Variants in CACNA1B observed in about 807,000 individuals in gnomAD.
The protein encoded by CACNA1B is voltage-dependent N-type calcium channel subunit alpha-1B.
Under a neutral mutation model 247.2 loss-of-function variants are expected in CACNA1B, and 70 were observed. The observed-to-expected ratio is 0.28, with a 90% CI of 0.23 to 0.35. The LOEUF is 0.35. CACNA1B is among the 10% of genes least tolerant of loss of function. The probability of loss-of-function intolerance (pLI) is 1.00; values close to 1 mark genes in which losing one functional copy is unlikely to be tolerated. For synonymous variants in CACNA1B, 1,231 were observed against 1,294.4 expected, an observed-to-expected ratio of 0.95 and a Z score of 1.05; for missense variants, 2,367 against 3,197.4, an observed-to-expected ratio of 0.74 and a Z score of 6.26.
At position 138,010,299 on chromosome 9, in the gene CACNA1B, G is replaced by A. The variant is rs996346605; in HGVS notation, c.2160+222G>A. 7.9e-5 allele frequency among the ~76,000 whole-genome samples: 12 copies of A among 152,214 alleles called. No homozygotes were observed. Among genetic ancestry groups the A allele is most frequent in the Non-Finnish European group, 1.6e-4 (11 of 68,036 alleles). ...GATGGACAGGCAGGCTCTCAGGGAA[G>A]CCAGCACAGGGAAGAATGGCCTGAA... is the stretch of plus-strand genomic sequence containing the variant. On this transcript the variant is annotated intron_variant, in intron 17 of 46. Coordinates refer to ENST00000371372, the MANE Select transcript of CACNA1B (RefSeq NM_000718.4). This position sits in a 1 kb window ranked among gnomAD's most constrained non-coding sequence, Gnocchi z 5.3.
chr9:138,101,744 A>G (rs1430376982), intron 37 of CACNA1B, among the ~76,000 whole-genome samples: 1 of 152,192 alleles, frequency 6.6e-6, no homozygotes, highest in East Asian at 1.9e-4. Context: ...CCTGGTCTGG[A>G]ACCGTGGGAG....
In CACNA1B at chr9:137,914,252, C is replaced by T. The variant is rs1957387618; in HGVS notation, c.623-402C>T. On this transcript the variant is annotated intron_variant, in intron 4 of 46. Coordinates refer to ENST00000371372, the MANE Select transcript of CACNA1B (RefSeq NM_000718.4). The surrounding 1 kb of genome is among the most constrained non-coding windows in gnomAD (Gnocchi z 4.3). The stretch of plus-strand genomic sequence containing the variant: ...TCCCTCCTAGAATTCCCTGTTCTTT[C>T]CTCTCAGGATGTCCTCTGACTTGGC... 6.6e-6 allele frequency among the ~76,000 whole-genome samples: 1 copy of T among 152,116 alleles called. No individual in the cohort carries two copies. Among genetic ancestry groups the T allele is most frequent in the African/African-American group, 2.4e-5 (1 of 41,412 alleles).
At chr9:137,925,306 G>C (rs532558116) in intron 6 of CACNA1B, among the ~76,000 whole-genome samples, 1 of 152,308 alleles carries the variant, frequency 6.6e-6, no homozygotes, top group South Asian at 2.1e-4. Flanking sequence ...TAGGGAATAG[G>C]GTGTGGGTCC....
At chr9:137,994,646 C>G (rs1056231458) in intron 15 of CACNA1B, among the ~76,000 whole-genome samples, 8 of 152,122 alleles carry the variant, frequency 5.3e-5, no homozygotes, top group African/African-American at 1.7e-4. Context: ...TAGGAATATA[C>G]CTAACCAAGG....
Position 137,917,347 on chromosome 9 carries a change from C to T in CACNA1B, c.882C>T (p.Ile294=). The stretch of plus-strand genomic sequence containing the variant: ...ACTGGCCAGGACCCAACTTTGGCAT[C>T]ACCAACTTTGACAATATCCTGTTTG... ...REYWPGPNFG[I]TNFDNILFAI... Residue 294 remains isoleucine (I), a synonymous_variant, in exon 6 of 47, where the codon ATC becomes ATT. Coordinates refer to ENST00000371372, the MANE Select transcript of CACNA1B (RefSeq NM_000718.4). This position sits in a 1 kb window ranked among gnomAD's most constrained non-coding sequence, Gnocchi z 5.5. The T allele has an allele frequency of 6.2e-7, 1 of 1,614,018 alleles. No homozygotes were observed. The highest frequency in any genetic ancestry group is 1.1e-5 in the South Asian group (1 of 91,082).
intron 11 of CACNA1B, among the ~76,000 whole-genome samples, chr9:137,972,373 C>A (rs749050466): frequency 6.6e-6 from 1 of 152,216 alleles, no homozygotes; most frequent in Non-Finnish European, 1.5e-5. Flanking sequence ...GTGTCTACAG[C>A]GGATCTGGAG....
At chr9:137,946,433 G>T (rs571248878) in intron 6 of CACNA1B, among the ~76,000 whole-genome samples, 3 of 152,280 alleles carry the variant, frequency 2.0e-5, no homozygotes, top group Admixed American at 6.5e-5. Context: ...TGTGTCACAC[G>T]TAGGGATCAG....
At chr9:138,046,055 G>T (rs1959183158) in intron 21 of CACNA1B, among the ~76,000 whole-genome samples, 1 of 152,220 alleles carries the variant, frequency 6.6e-6, no homozygotes. Flanking sequence ...ACCCGTAGAT[G>T]GGCTTCCCAG....
chr9:137,883,657 G>A (rs1477086235), intron 3 of CACNA1B, among the ~76,000 whole-genome samples: 2 of 151,906 alleles, frequency 1.3e-5, no homozygotes, highest in African/African-American at 2.4e-5. Context: ...TGGCTCTGGT[G>A]TGGAGAGTGG....
At chr9:137,892,936 G>T (rs1012358235) in intron 3 of CACNA1B, among the ~76,000 whole-genome samples, 10 of 152,216 alleles carry the variant, frequency 6.6e-5, no homozygotes, top group Non-Finnish European at 1.5e-5. Flanking sequence ...GGCTCCCAGA[G>T]CCCGACAGGC....
At chr9:137,900,803 C>T (rs1402215051) in intron 3 of CACNA1B, among the ~76,000 whole-genome samples, 6 of 121,486 alleles carry the variant, frequency 4.9e-5, no homozygotes, top group Admixed American at 4.5e-4. Context: ...GTGTGTGTAC[C>T]GTGTGTCCCT....
At chr9:137,995,227 AAC>A (rs1491149545) in intron 15 of CACNA1B, among the ~76,000 whole-genome samples, 2 of 151,992 alleles carry the variant, frequency 1.3e-5, no homozygotes, top group East Asian at 3.9e-4. Flanking sequence ...AAAAAAAAAA[AAC>A]AAAATCAGCA....
chr9:138,113,141 G>T (rs1266056929), intron 40 of CACNA1B, among the ~76,000 whole-genome samples: 29 of 140,504 alleles, frequency 2.1e-4, no homozygotes, highest in African/African-American at 6.9e-4. Flanking sequence ...GAGGGAGCAC[G>T]GGGAGGTGCC....
chr9:137,966,225 ATT>A (rs963090283), intron 10 of CACNA1B, among the ~76,000 whole-genome samples: 6 of 139,586 alleles, frequency 4.3e-5, no homozygotes, highest in Non-Finnish European at 4.7e-5. Flanking sequence ...TGCCTTTTAA[ATT>A]TTTTTTTTTT....
At chr9:138,090,292 C>T (rs1036821378) in intron 36 of CACNA1B, among the ~76,000 whole-genome samples, 10 of 152,076 alleles carry the variant, frequency 6.6e-5, no homozygotes, top group Admixed American at 1.3e-4. Flanking sequence ...GCACCAAGAA[C>T]ATTTATTGGA....
Position 138,066,479 on chromosome 9 carries a change from A to G in CACNA1B, c.4669-3279A>G, listed in dbSNP as rs186128102. Reference sequence around the variant, plus strand: ...GAGAGAGAGAGAGAGGCAGGGAGGCAGGAGGAGAGAGACAGAGGGGGAAGG... The same window carrying G: ...GAGAGAGAGAGAGAGGCAGGGAGGCGGGAGGAGAGAGACAGAGGGGGAAGG... On this transcript the variant is annotated intron_variant, in intron 31 of 46. Coordinates refer to ENST00000371372, the MANE Select transcript of CACNA1B (RefSeq NM_000718.4). Among the ~76,000 whole-genome samples the G allele has an allele frequency of 5.2e-3, 797 of 152,242 alleles. 1 individual carries two copies. Among genetic ancestry groups the G allele is most frequent in the Admixed American group, 0.01 (154 of 15,278 alleles).
intron 6 of CACNA1B, among the ~76,000 whole-genome samples, chr9:137,942,883 G>A (rs765207129): frequency 3.9e-4 from 60 of 152,072 alleles, no homozygotes; most frequent in Non-Finnish European, 7.1e-4. Context: ...TGGGTGATAG[G>A]TGCACGAAAA....
At position 138,023,553 on chromosome 9, in the gene CACNA1B, C is replaced by A; in HGVS notation, c.2810C>A (p.Ala937Glu). The A allele has an allele frequency of 9.2e-7, 1 of 1,086,372 alleles. No homozygotes were observed. The highest frequency in any genetic ancestry group is 3.0e-5 in the South Asian group (1 of 33,892). 67.3% of individuals were successfully genotyped at this position (1,086,372 alleles called of 1,614,324 possible). Residue 937 changes from alanine (A) to glutamate (E), a missense_variant, in exon 19 of 47, where the codon GCG (alanine) becomes GAG (glutamate). Transcript: ENST00000371372. Reference sequence around the variant, plus strand: ...GAGCGGGAGCCCCGACGCCACCGCGCGCACCGGCACCAGGATCCGAGCAAG... The same window carrying A: ...GAGCGGGAGCCCCGACGCCACCGCGAGCACCGGCACCAGGATCCGAGCAAG... ...AAEREPRRHR[A>E]HRHQDPSKEC... is the part of the protein sequence containing the mutation.
intron 31 of CACNA1B, among the ~76,000 whole-genome samples, chr9:138,063,782 T>C (rs1959818122): frequency 6.6e-6 from 1 of 152,238 alleles, no homozygotes; most frequent in Non-Finnish European, 1.5e-5. Flanking sequence ...TCTTGCACAG[T>C]CCATACTGGT....
Sources: gnomAD v4.1 joint callset for allele counts (sites outside exome capture counted in the v4.1 genomes callset) on GRCh38, gnomAD v4.1.1 for gene constraint, Gnocchi (gnomAD v3.1) non-coding constraint, MANE v1.5 for transcripts, NCBI Gene and HGNC (gene_info 2026-07-23, HGNC 2026-07-21) for gene names.